Variants in PCDHGC4 observed in about 807,000 individuals in gnomAD.
PCDHGC4 encodes protocadherin gamma subfamily C, 4, also known as protocadherin gamma-C4.
PCDHGC4 carries 15 observed loss-of-function variants against 59.7 expected under a neutral mutation model. That is an observed-to-expected ratio of 0.25 (90% CI 0.17 to 0.39). The LOEUF is 0.39. PCDHGC4 is among the 10% of genes least tolerant of loss of function. The pLI, the probability that PCDHGC4 is intolerant of heterozygous loss-of-function variation, is 1.00. For missense variants in PCDHGC4, 1,016 were observed against 1,189.5 expected, an observed-to-expected ratio of 0.85 and a Z score of 2.15; for synonymous variants, 434 against 481.4, an observed-to-expected ratio of 0.90 and a Z score of 1.29.
chr5:141,501,288 T>TATACACATAC (rs201660636), intron 2 of PCDHGC4, among the ~76,000 whole-genome samples: 2 of 81,228 alleles, frequency 2.5e-5, no homozygotes, highest in African/African-American at 9.9e-5. Flanking sequence ...GATATTCCCT[T>TATACACATAC]ATACACACAC....
chr5:141,504,209 C>T (rs1305672612), intron 2 of PCDHGC4, among the ~76,000 whole-genome samples: 1 of 152,180 alleles, frequency 6.6e-6, no homozygotes, highest in Non-Finnish European at 1.5e-5. Flanking sequence ...TGGGAAAATT[C>T]CAAGTAGAGC....
rs1177173734 is a variant in PCDHGC4, at chr5:141,491,741, G to A, written c.2443-3066G>A. ...CCGCCCCGGGCGACCCCTGGGGGCG[G>A]CACTGGAGAAGCCGCCCGTCCTCAT... On this transcript the variant is annotated intron_variant, in intron 1 of 3. Coordinates refer to ENST00000306593, the MANE Select transcript of PCDHGC4 (RefSeq NM_018928.3). The surrounding 1 kb of genome is among the most constrained non-coding windows in gnomAD (Gnocchi z 6.9). 1.9e-6 allele frequency: 3 copies of A among 1,595,644 alleles called. No homozygotes were observed. In the South Asian group the frequency reaches 3.4e-5, roughly 18 times the overall value.
Position 141,489,784 on chromosome 5 carries a change from G to A in PCDHGC4, c.2442+2169G>A. 1 of 1,614,218 alleles carries A rather than the reference G, an allele frequency of 6.2e-7. No individual in the cohort carries two copies. Among genetic ancestry groups the A allele is most frequent in the Non-Finnish European group, 8.5e-7 (1 of 1,180,010 alleles). On this transcript the variant is annotated intron_variant, in intron 1 of 3. Transcript: ENST00000306593. This position sits in a 1 kb window ranked among gnomAD's most constrained non-coding sequence, Gnocchi z 4.5. ...CCCCAACAGCCACTTCTCTCTGAAT[G>A]TGAAGACCCTAAAAGATGGGAAGCC...
chr5:141,487,920 C>G lies in PCDHGC4; in HGVS notation c.2442+305C>G, dbSNP rs561819225. On this transcript the variant is annotated intron_variant, in intron 1 of 3. Coordinates refer to ENST00000306593, the MANE Select transcript of PCDHGC4 (RefSeq NM_018928.3). This position sits in a 1 kb window ranked among gnomAD's most constrained non-coding sequence, Gnocchi z 5.0. ...TGGAATGTGGGAGCACAGGAGGCTA[C>G]AGTGCACAGGGTACAGTGCACCAGG... The G allele has an allele frequency of 4.7e-6, 3 of 644,662 alleles. No individual in the cohort carries two copies. The Admixed American group carries it at 8.5e-5, about 18-fold the overall frequency. 39.9% of individuals were successfully genotyped at this position (644,662 alleles called of 1,614,324 possible).
rs2099643895 is a variant in PCDHGC4 at position 141,487,385 on chromosome 5, C to T, written c.2212C>T (p.Arg738Ter). 1.9e-6 allele frequency: 3 copies of T among 1,614,160 alleles called. No homozygotes were observed. The highest frequency in any genetic ancestry group is 1.1e-5 in the South Asian group (1 of 91,086). Residue 738 changes from arginine to a stop codon, truncating the protein, a stop_gained, in exon 1 of 4, where the codon CGA becomes TGA. Transcript: ENST00000306593. LOFTEE classifies it high-confidence loss of function. This position sits in a 1 kb window ranked among gnomAD's most constrained non-coding sequence, Gnocchi z 5.0. Reference protein sequence around the residue: ...AGTCACLTRSRRREGLPPSNG... With the variant: ...AGTCACLTRS Reference sequence around the variant, plus strand: ...CACCTGTGCCTGTCTCACCAGATCTCGAAGGAGGGAGGGGCTTCCCCCTTC... The same window carrying T: ...CACCTGTGCCTGTCTCACCAGATCTTGAAGGAGGGAGGGGCTTCCCCCTTC...
chr5:141,500,051 C>A (rs991931153), intron 2 of PCDHGC4, among the ~76,000 whole-genome samples: 1 of 151,988 alleles, frequency 6.6e-6, no homozygotes, highest in Non-Finnish European at 1.5e-5. Context: ...TATCTTAATG[C>A]TCTTTTAATG....
Position 141,491,000 on chromosome 5 carries a change from C to T in PCDHGC4, c.2442+3385C>T. 6.2e-7 allele frequency: 1 copy of T among 1,614,142 alleles called. No homozygotes were observed. The highest frequency in any genetic ancestry group is 1.1e-5 in the South Asian group (1 of 91,086). On this transcript the variant is annotated intron_variant, in intron 1 of 3. Transcript: ENST00000306593. The surrounding 1 kb of genome is among the most constrained non-coding windows in gnomAD (Gnocchi z 5.4). ...CTCCCTCGCTCTGCTCCTCCTGGCTCCTTGGTCACCAAGGTGACAGCCGTG... is the reference window on the plus strand; with the variant it reads ...CTCCCTCGCTCTGCTCCTCCTGGCTTCTTGGTCACCAAGGTGACAGCCGTG...
At chr5:141,499,007 AG>A (rs2099788320) in intron 2 of PCDHGC4, among the ~76,000 whole-genome samples, 1 of 151,128 alleles carries the variant, frequency 6.6e-6, no homozygotes, top group Non-Finnish European at 1.5e-5. Flanking sequence ...GAAGGAAGGA[AG>A]GAAGGAAGGA....
chr5:141,488,548 T>C (rs112676623), intron 1 of PCDHGC4, among the ~76,000 whole-genome samples: 2 of 152,318 alleles, frequency 1.3e-5, no homozygotes, highest in African/African-American at 4.8e-5. Flanking sequence ...CCATGTCAGC[T>C]GACATTGAGA....
At position 141,494,704 on chromosome 5, in the gene PCDHGC4, T is replaced by C. The variant is rs2099756232; in HGVS notation, c.2443-103T>C. Reference sequence around the variant, plus strand: ...CCCCCTCTTAGTCCGTTTTCTTCTCTGTGCCCACTCCCCTCCTTCTCTCCC... The same window carrying C: ...CCCCCTCTTAGTCCGTTTTCTTCTCCGTGCCCACTCCCCTCCTTCTCTCCC... On this transcript the variant is annotated intron_variant, in intron 1 of 3. Transcript: ENST00000306593. The C allele has an allele frequency of 3.1e-6, 5 of 1,597,570 alleles. No individual in the cohort carries two copies. The Admixed American group carries it at 8.5e-5, about 27-fold the overall frequency.
chr5:141,490,561 A>G lies in PCDHGC4; in HGVS notation c.2442+2946A>G. On this transcript the variant is annotated intron_variant, in intron 1 of 3. Coordinates refer to ENST00000306593, the MANE Select transcript of PCDHGC4 (RefSeq NM_018928.3). This position sits in a 1 kb window ranked among gnomAD's most constrained non-coding sequence, Gnocchi z 5.4. Reference sequence around the variant, plus strand: ...TTCCCTACACAAACATCTCACCATCAGGCTCAACATTTCAGATGTCAATGA... The same window carrying G: ...TTCCCTACACAAACATCTCACCATCGGGCTCAACATTTCAGATGTCAATGA... 6.2e-7 allele frequency: 1 copy of G among 1,614,090 alleles called. No individual in the cohort carries two copies. The highest frequency in any genetic ancestry group is 8.5e-7 in the Non-Finnish European group (1 of 1,180,004).
intron 2 of PCDHGC4, among the ~76,000 whole-genome samples, chr5:141,497,248 G>A (rs1442942520): frequency 6.6e-6 from 1 of 152,128 alleles, no homozygotes; most frequent in African/African-American, 2.4e-5. Context: ...AGGAGGAGGT[G>A]ACATTGAGAA....
chr5:141,487,485 G>A lies in PCDHGC4; in HGVS notation c.2312G>A (p.Gly771Asp). Residue 771 changes from glycine (G) to aspartate (D), a missense_variant, in exon 1 of 4, where the codon GGC becomes GAC. Gly to Asp is a moderately conservative substitution (Grantham distance 94, BLOSUM62 -1). Transcript: ENST00000306593. The surrounding 1 kb of genome is among the most constrained non-coding windows in gnomAD (Gnocchi z 5.0). Reference protein sequence around the residue: ...KFVDVGGHSHGCTPLASAPTR... With the variant: ...KFVDVGGHSHDCTPLASAPTR... ...GTTGATGTGGGAGGCCACTCTCATG[G>A]CTGTACACCCTTGGCTTCTGCACCC... The A allele has an allele frequency of 6.2e-7, 1 of 1,614,164 alleles. No homozygotes were observed. Among genetic ancestry groups the A allele is most frequent in the Non-Finnish European group, 8.5e-7 (1 of 1,180,030 alleles).
At chr5:141,500,145 T>C (rs2099796736) in intron 2 of PCDHGC4, among the ~76,000 whole-genome samples, 2 of 151,992 alleles carry the variant, frequency 1.3e-5, no homozygotes, top group East Asian at 3.9e-4. Context: ...TAAACTTTTC[T>C]TTGTGTAATC....
chr5:141,487,577 C>A lies in PCDHGC4; in HGVS notation c.2404C>A (p.Pro802Thr). 1.2e-6 allele frequency: 2 copies of A among 1,614,150 alleles called. No individual in the cohort carries two copies. Among genetic ancestry groups the A allele is most frequent in the Non-Finnish European group, 1.7e-6 (2 of 1,180,024 alleles). ...SAPMAGEPVR[P>T]SCPPSDLLYG... ...ACCTATGGCAGGGGAGCCTGTTCGC[C>A]CAAGCTGCCCACCCTCTGATCTTCT... Residue 802 changes from proline to threonine, a missense_variant, in exon 1 of 4, where the codon CCA (proline) becomes ACA (threonine). Coordinates refer to ENST00000306593, the MANE Select transcript of PCDHGC4 (RefSeq NM_018928.3). The surrounding 1 kb of genome is among the most constrained non-coding windows in gnomAD (Gnocchi z 5.0).
chr5:141,490,180 C>T lies in PCDHGC4; in HGVS notation c.2442+2565C>T, dbSNP rs747366205. On this transcript the variant is annotated intron_variant, in intron 1 of 3. Coordinates refer to ENST00000306593, the MANE Select transcript of PCDHGC4 (RefSeq NM_018928.3). This position sits in a 1 kb window ranked among gnomAD's most constrained non-coding sequence, Gnocchi z 5.4. ...GGGTCCCATAGACTTTGAGGAGTCACGTTTCTATGAAATTCATGCAAGAGC... is the reference window on the plus strand; with the variant it reads ...GGGTCCCATAGACTTTGAGGAGTCATGTTTCTATGAAATTCATGCAAGAGC... 3 of 1,614,208 alleles carry T rather than the reference C, an allele frequency of 1.9e-6. No individual in the cohort carries two copies. Among genetic ancestry groups the T allele is most frequent in the East Asian group, 2.2e-5 (1 of 44,882 alleles).
rs2099883943 is a variant in PCDHGC4, at chr5:141,511,766, G to A, written c.*593G>A. ...TGGAGGACATGATCACCATCCCCAT[G>A]GTACTGATGCTTGCTGGATTTAGGG... On this transcript the variant is annotated 3_prime_UTR_variant, in exon 4 of 4. Coordinates refer to ENST00000306593, the MANE Select transcript of PCDHGC4 (RefSeq NM_018928.3). 2 of 161,712 alleles carry A rather than the reference G, an allele frequency of 1.2e-5. No homozygotes were observed. Among genetic ancestry groups the A allele is most frequent in the Non-Finnish European group, 2.8e-5 (2 of 72,704 alleles). The allele number at this position is 161,712 out of a possible 1,614,324, so 10.0% of individuals were successfully genotyped here.
intron 2 of PCDHGC4, among the ~76,000 whole-genome samples, chr5:141,495,175 C>A (rs1337353259): frequency 6.6e-6 from 1 of 152,300 alleles, no homozygotes; most frequent in Middle Eastern, 3.4e-3. Flanking sequence ...TGGGTGAAAG[C>A]GAGGCTTTCT....
In PCDHGC4 at chr5:141,502,866, C is replaced by CTTTTTTTTTTTT. The variant is rs549047197; in HGVS notation, c.2502-2524_2502-2513dup. 2.4e-4 allele frequency among the ~76,000 whole-genome samples: 31 copies of CTTTTTTTTTTTT among 128,008 alleles called. 3 individuals are homozygous for CTTTTTTTTTTTT. Among genetic ancestry groups the CTTTTTTTTTTTT allele is most frequent in the African/African-American group, 3.4e-4 (11 of 32,350 alleles). 84.0% of individuals were successfully genotyped at this position (128,008 alleles called of 152,430 possible). ...GAGCTGCCTAACCCTGACTCTCTGT[C>CTTTTTTTTTTTT]TTTTTTTTTTTTTTGACAGGGAGTC... is the stretch of plus-strand genomic sequence containing the variant. On this transcript the variant is annotated intron_variant, in intron 2 of 3. Transcript: ENST00000306593.
Sources: gnomAD v4.1 joint callset for allele counts (sites outside exome capture counted in the v4.1 genomes callset) on GRCh38, gnomAD v4.1.1 for gene constraint, Gnocchi (gnomAD v3.1) non-coding constraint, MANE v1.5 for transcripts, NCBI Gene and HGNC (gene_info 2026-07-23, HGNC 2026-07-21) for gene names.